The following TMEM120B variants were observed in gnomAD, a reference collection of about 807,000 sequenced individuals.
TMEM120B encodes transmembrane protein 120B.
Under a neutral mutation model 55.5 loss-of-function variants are expected in TMEM120B, and 31 were observed. The ratio of observed to expected loss-of-function variants is 0.56; its 90% CI spans 0.42 to 0.75. The LOEUF is 0.75. Among genes scored for constraint, TMEM120B ranks in the 30% least tolerant of loss-of-function variants. The probability of loss-of-function intolerance (pLI) is 0.00; values close to 1 mark genes in which losing one functional copy is unlikely to be tolerated. For synonymous variants in TMEM120B, 203 were observed against 176.3 expected (o/e 1.15, Z -1.20); for missense variants, 399 against 425.5 (o/e 0.94, Z 0.55).
chr12:121,771,044 G>C (rs1874030103), intron 7 of TMEM120B, 72 bp downstream of exon 7: 2 of 1,528,648 alleles, frequency 1.3e-6, no homozygotes, highest in African/African-American at 2.7e-5. Flanking sequence ...TGGGGAGGGG[G>C]CTGATCCAGA....
intron 1 of TMEM120B, among the ~76,000 whole-genome samples, chr12:121,731,447 G>A (rs1895001391): frequency 6.6e-6 from 1 of 152,068 alleles, no homozygotes; most frequent in South Asian, 2.1e-4. Context: ...CAGAGAAGGG[G>A]TTTTGCCATA....
chr12:121,775,887 ACAGTGTCCGCC>A lies in TMEM120B; in HGVS notation c.*168_*178del. On this transcript the variant is annotated 3_prime_UTR_variant, in exon 12 of 12. Coordinates refer to ENST00000449592, the MANE Select transcript of TMEM120B (RefSeq NM_001080825.2). The surrounding 1 kb of genome is among the most constrained non-coding windows in gnomAD (Gnocchi z 4.3). The stretch of plus-strand genomic sequence containing the variant: ...AGGAATGTGAGCCCCGCCTGTCCGC[ACAGTGTCCGCC>A]CACCTATTTATGACATATTTAATGC... 2 of 723,366 alleles carry A rather than the reference ACAGTGTCCGCC, an allele frequency of 2.8e-6. No homozygotes were observed. Among genetic ancestry groups the A allele is most frequent in the Non-Finnish European group, 4.8e-6 (2 of 419,462 alleles). The allele number at this position is 723,366 out of a possible 1,614,324, so 44.8% of individuals were successfully genotyped here. A position where few individuals can be genotyped will look rare whatever the true frequency, so the allele number is the denominator to read the frequency against.
chr12:121,740,028 C>G (rs551212727), intron 1 of TMEM120B, among the ~76,000 whole-genome samples: 7 of 152,164 alleles, frequency 4.6e-5, no homozygotes, highest in Admixed American at 1.3e-4. Flanking sequence ...ATCGGCCCAT[C>G]TTGGCCTCCC....
chr12:121,775,349 G>A lies in TMEM120B; in HGVS notation c.906+219G>A, dbSNP rs903108769. The A allele has an allele frequency of 2.2e-5, 20 of 891,864 alleles. No homozygotes were observed. In the African/African-American group the frequency reaches 3.6e-4, roughly 16 times the overall value. The allele number at this position is 891,864 out of a possible 1,614,324, so 55.2% of individuals were successfully genotyped here. ...GTGTTGTGGGGGGCCTGCTTGGCGG[G>A]AGGCTTCTGGAAGGGCTAGGGGTGG... On this transcript the variant is annotated intron_variant, in intron 11 of 11. Transcript: ENST00000449592. This position sits in a 1 kb window ranked among gnomAD's most constrained non-coding sequence, Gnocchi z 4.3.
chr12:121,772,010 G>A (rs930007409), intron 8 of TMEM120B, among the ~76,000 whole-genome samples: 1 of 151,822 alleles, frequency 6.6e-6, no homozygotes, highest in Non-Finnish European at 1.5e-5. Flanking sequence ...TCCCATGTGT[G>A]TATTGCCTTT....
chr12:121,719,982 G>C (rs1894766068), intron 1 of TMEM120B, among the ~76,000 whole-genome samples: 2 of 152,170 alleles, frequency 1.3e-5, no homozygotes, highest in African/African-American at 4.8e-5. Flanking sequence ...TTATAGGCAT[G>C]AGCCACCTTG....
intron 5 of TMEM120B, among the ~76,000 whole-genome samples, chr12:121,757,773 C>G (rs148428544): frequency 0.028 from 4,301 of 152,308 alleles, 92 homozygotes; most frequent in Non-Finnish European, 0.047. Flanking sequence ...ACCTCGGCCT[C>G]CCAAAGTGTT....
intron 1 of TMEM120B, among the ~76,000 whole-genome samples, chr12:121,718,104 A>G (rs1212748960): frequency 6.6e-6 from 1 of 152,204 alleles, no homozygotes; most frequent in East Asian, 1.9e-4. Context: ...TCTAAAAACA[A>G]AGGCTGACAA....
intron 1 of TMEM120B, among the ~76,000 whole-genome samples, chr12:121,733,011 T>C (rs1895032552): frequency 6.6e-6 from 1 of 151,318 alleles, no homozygotes; most frequent in Non-Finnish European, 1.5e-5. Context: ...ATAACAAGCC[T>C]GTACCCTCTG....
chr12:121,724,237 A>G (rs1236213489), intron 1 of TMEM120B, among the ~76,000 whole-genome samples: 2 of 151,752 alleles, frequency 1.3e-5, no homozygotes, highest in East Asian at 1.9e-4. Flanking sequence ...CGGTTTCACT[A>G]TGTTGGCCAG....
intron 1 of TMEM120B, among the ~76,000 whole-genome samples, chr12:121,721,771 G>GC (rs1894792956): frequency 7.1e-6 from 1 of 139,924 alleles, no homozygotes; most frequent in Non-Finnish European, 1.5e-5. Flanking sequence ...TTCAGCCCTG[G>GC]CCCTCCTTTT....
At chr12:121,722,100 CTTT>C (rs35866737) in intron 1 of TMEM120B, among the ~76,000 whole-genome samples, 15 of 118,940 alleles carry the variant, frequency 1.3e-4, no homozygotes, top group Non-Finnish European at 1.4e-4. Flanking sequence ...CACACCTGGC[CTTT>C]TTTTTTTTTT....
chr12:121,745,257 T>C (rs1873046162), intron 2 of TMEM120B, among the ~76,000 whole-genome samples: 1 of 152,200 alleles, frequency 6.6e-6, no homozygotes, highest in African/African-American at 2.4e-5. Context: ...TTTTCTGGTT[T>C]TGAGAGTTCC....
chr12:121,752,649 A>G lies in TMEM120B; in HGVS notation c.461+426A>G, dbSNP rs557628130. Among the ~76,000 whole-genome samples, 25 of 152,238 alleles carry G rather than the reference A, an allele frequency of 1.6e-4. 1 individual carries two copies. The highest frequency in any genetic ancestry group is 4.8e-4 in the African/African-American group (20 of 41,540). On this transcript the variant is annotated intron_variant, in intron 5 of 11. Coordinates refer to ENST00000449592, the MANE Select transcript of TMEM120B (RefSeq NM_001080825.2). ...ATGTCTTTAGTCCCAGCTACTCGGA[A>G]GGGTGAGACAGGAGAATCGCTTGAA...
intron 4 of TMEM120B, among the ~76,000 whole-genome samples, chr12:121,751,732 T>C (rs1483250797): frequency 1.4e-5 from 2 of 140,806 alleles, no homozygotes; most frequent in African/African-American, 5.2e-5. Flanking sequence ...GAAATGGCCC[T>C]GCTCTGTTTC....
chr12:121,722,947 C>G (rs1309715850), intron 1 of TMEM120B, among the ~76,000 whole-genome samples: 1 of 150,204 alleles, frequency 6.7e-6, no homozygotes, highest in African/African-American at 2.4e-5. Flanking sequence ...CTCCCGGGTT[C>G]AAGCAATTCT....
chr12:121,750,492 C>T, intron 4 of TMEM120B, 53 bp downstream of exon 4: 1 of 1,408,884 alleles, frequency 7.1e-7, no homozygotes, highest in South Asian at 1.2e-5. Flanking sequence ...GCCCCCACAC[C>T]CACACCCACA....
rs567983108 is a variant in TMEM120B, at chr12:121,774,652, C to T, written c.773-6C>T. 1.6e-4 allele frequency: 260 copies of T among 1,613,912 alleles called. 2 individuals are homozygous for T. In the South Asian group the frequency reaches 1.8e-3, roughly 11 times the overall value. On this transcript the variant is annotated splice_region_variant and splice_polypyrimidine_tract_variant and intron_variant, in intron 9 of 11. Coordinates refer to ENST00000449592, the MANE Select transcript of TMEM120B (RefSeq NM_001080825.2). ...GCGGGTCCTTTTTCTTCCCTCCTCT[C>T]CACAGAAGGGTTCCAGTCCTGGATG... is the stretch of plus-strand genomic sequence containing the variant.
intron 1 of TMEM120B, among the ~76,000 whole-genome samples, chr12:121,734,473 G>C (rs1376525961): frequency 6.6e-6 from 1 of 151,842 alleles, no homozygotes; most frequent in East Asian, 1.9e-4. Flanking sequence ...GGTCAGGTTG[G>C]TCTCGAACTC....
Sources: gnomAD v4.1 joint callset for allele counts (sites outside exome capture counted in the v4.1 genomes callset) on GRCh38, gnomAD v4.1.1 for gene constraint, Gnocchi (gnomAD v3.1) non-coding constraint, MANE v1.5 for transcripts, NCBI Gene and HGNC (gene_info 2026-07-23, HGNC 2026-07-21) for gene names.